CYP20A1: variants seen among roughly 807,000 people sequenced by gnomAD.
CYP20A1 encodes the protein cytochrome P450 family 20 subfamily A member 1.
CYP20A1 carries 61 observed loss-of-function variants against 61.4 expected under a neutral mutation model. The ratio of observed to expected loss-of-function variants is 0.99; its 90% CI spans 0.81 to 1.23. CYP20A1 has a LOEUF of 1.23. Ranked by LOEUF, CYP20A1 falls within the 50% of genes most tolerant of loss-of-function variation. The pLI, the probability that CYP20A1 is intolerant of heterozygous loss-of-function variation, is 0.00. For synonymous variants in CYP20A1, 193 were observed against 188.2 expected (o/e 1.03, Z -0.21); for missense variants, 530 against 542.4 (o/e 0.98, Z 0.23).
chr2:203,262,051 A>G (rs1164135706), intron 4 of CYP20A1, among the ~76,000 whole-genome samples: 1 of 152,158 alleles, frequency 6.6e-6, no homozygotes, highest in Non-Finnish European at 1.5e-5. Context: ...GACACTGGAA[A>G]GCTTCAGACA....
intron 8 of CYP20A1, among the ~76,000 whole-genome samples, chr2:203,282,090 T>C (rs2068066072): frequency 6.8e-6 from 1 of 147,198 alleles, no homozygotes; most frequent in Admixed American, 7.2e-5. Flanking sequence ...CAGGCTGTAG[T>C]GCAATTGCGC....
intron 3 of CYP20A1, among the ~76,000 whole-genome samples, chr2:203,249,196 T>A (rs2105904931): frequency 6.6e-6 from 1 of 152,304 alleles, no homozygotes; most frequent in East Asian, 1.9e-4. Context: ...TCTGTCTACA[T>A]AAAAATGAAA....
At position 203,302,115 on chromosome 2, in the gene CYP20A1, G is replaced by T. The variant is rs1575296792; in HGVS notation, c.*5207G>T. Among the ~76,000 whole-genome samples, 1 of 151,868 alleles carries T rather than the reference G, an allele frequency of 6.6e-6. No individual in the cohort carries two copies. The highest frequency in any genetic ancestry group is 1.5e-5 in the Non-Finnish European group (1 of 67,972). On this transcript the variant is annotated 3_prime_UTR_variant, in exon 13 of 13. Transcript: ENST00000356079. ...TAATTTTTGTGTTTTTAGTACAGATGGGGTTTCACCATGTTGGCCAGGCTG... is the reference window on the plus strand; with the variant it reads ...TAATTTTTGTGTTTTTAGTACAGATTGGGTTTCACCATGTTGGCCAGGCTG...
intron 1 of CYP20A1, among the ~76,000 whole-genome samples, chr2:203,240,129 T>C (rs1215569692): frequency 5.9e-5 from 9 of 152,110 alleles, no homozygotes; most frequent in Admixed American, 5.2e-4. Context: ...AAAACACCTG[T>C]TCTACAAAGC....
At position 203,299,686 on chromosome 2, in the gene CYP20A1, C is replaced by T. The variant is rs2068942215; in HGVS notation, c.*2778C>T. Among the ~76,000 whole-genome samples, 1 of 152,014 alleles carries T rather than the reference C, an allele frequency of 6.6e-6. No homozygotes were observed. Among genetic ancestry groups the T allele is most frequent in the African/African-American group, 2.4e-5 (1 of 41,410 alleles). ...GGTCAGGCGTTCAAGACCAGCCTGA[C>T]CAACATGGAGAAACCCCGTCTCTAC... is the stretch of plus-strand genomic sequence containing the variant. On this transcript the variant is annotated 3_prime_UTR_variant, in exon 13 of 13. Transcript: ENST00000356079.
intron 6 of CYP20A1, among the ~76,000 whole-genome samples, chr2:203,277,970 A>G (rs1303037171): frequency 6.6e-6 from 1 of 152,086 alleles, no homozygotes; most frequent in Non-Finnish European, 1.5e-5. Flanking sequence ...ATGTGTTTGG[A>G]GGCCTCTAAA....
intron 5 of CYP20A1, among the ~76,000 whole-genome samples, chr2:203,271,834 G>C (rs552959429): frequency 2.9e-4 from 44 of 152,166 alleles, no homozygotes; most frequent in African/African-American, 7.2e-4. Context: ...TCAGGAGTTC[G>C]AGACCAGTCT....
chr2:203,242,241 C>T lies in CYP20A1; in HGVS notation c.72+3107C>T, dbSNP rs1297885406. Among the ~76,000 whole-genome samples, 4 of 152,156 alleles carry T rather than the reference C, an allele frequency of 2.6e-5. No individual in the cohort carries two copies. In the South Asian group the frequency reaches 6.2e-4, roughly 24 times the overall value. On this transcript the variant is annotated intron_variant, in intron 1 of 12. Coordinates refer to ENST00000356079, the MANE Select transcript of CYP20A1 (RefSeq NM_177538.3). Reference sequence around the variant, plus strand: ...GCTGAAGTGATCCTCCTGCCTCAGCCTTCCAAAGATCTGGGATTACAGGCA... The same window carrying T: ...GCTGAAGTGATCCTCCTGCCTCAGCTTTCCAAAGATCTGGGATTACAGGCA...
chr2:203,243,484 G>C (rs775265154), intron 1 of CYP20A1, among the ~76,000 whole-genome samples: 1 of 151,504 alleles, frequency 6.6e-6, no homozygotes, highest in Admixed American at 6.6e-5. Flanking sequence ...TCCGCCTCCC[G>C]GGCTCAAATC....
intron 6 of CYP20A1, among the ~76,000 whole-genome samples, chr2:203,278,300 G>A (rs1224749431): frequency 2.0e-5 from 3 of 152,040 alleles, no homozygotes; most frequent in Admixed American, 1.3e-4. Context: ...GTCAAGTGCT[G>A]GCATTGCTCT....
At chr2:203,251,892 G>A (rs2066703743) in intron 3 of CYP20A1, 75 bp from the exon 4 acceptor site, 2 of 1,180,714 alleles carry the variant, frequency 1.7e-6, no homozygotes, top group African/African-American at 1.6e-5. Context: ...TTACCTCCCT[G>A]ATCTCTTGTT....
At chr2:203,247,122 G>A (rs1273017140) in intron 3 of CYP20A1, among the ~76,000 whole-genome samples, 2 of 152,028 alleles carry the variant, frequency 1.3e-5, no homozygotes, top group African/African-American at 4.8e-5. Context: ...CTAGTCGGGT[G>A]TGGTGGCACA....
chr2:203,260,228 A>G (rs2067082845), intron 4 of CYP20A1, among the ~76,000 whole-genome samples: 1 of 133,432 alleles, frequency 7.5e-6, no homozygotes, highest in Non-Finnish European at 1.6e-5. Flanking sequence ...TGCCCAGCCT[A>G]TTTATTTATT....
chr2:203,283,902 G>T (rs2068153588), intron 8 of CYP20A1, among the ~76,000 whole-genome samples: 1 of 152,074 alleles, frequency 6.6e-6, no homozygotes, highest in Non-Finnish European at 1.5e-5. Flanking sequence ...ATTGACCACT[G>T]TGTGCAAATC....
intron 1 of CYP20A1, among the ~76,000 whole-genome samples, chr2:203,242,509 C>A (rs1413562724): frequency 1.3e-5 from 2 of 152,078 alleles, no homozygotes; most frequent in Non-Finnish European, 2.9e-5. Flanking sequence ...AAGCTTATGG[C>A]CAGCACGGTG....
At chr2:203,265,966 A>G (rs1203084150) in intron 4 of CYP20A1, among the ~76,000 whole-genome samples, 1 of 152,170 alleles carries the variant, frequency 6.6e-6, no homozygotes, top group African/African-American at 2.4e-5. Context: ...CTAGGATTAC[A>G]GGTATGAACC....
At chr2:203,296,417 C>A in intron 11 of CYP20A1, 57 bp from the exon 12 acceptor site, 2 of 1,051,904 alleles carry the variant, frequency 1.9e-6, no homozygotes, top group Non-Finnish European at 2.9e-6. Context: ...CTTTTAGTGT[C>A]AACATGTAAG....
chr2:203,292,102 G>C (rs549957792), intron 10 of CYP20A1, among the ~76,000 whole-genome samples, 160 bp from the exon 11 acceptor site: 23 of 152,244 alleles, frequency 1.5e-4, no homozygotes, highest in Middle Eastern at 6.8e-3. Flanking sequence ...CTTCCTCATT[G>C]TAAGATCACC....
chr2:203,253,458 G>A (rs2066774736), intron 4 of CYP20A1, among the ~76,000 whole-genome samples: 1 of 152,160 alleles, frequency 6.6e-6, no homozygotes, highest in African/African-American at 2.4e-5. Flanking sequence ...AATGTTGTGG[G>A]GAACTGAGGA....
Sources: gnomAD v4.1 joint callset for allele counts (sites outside exome capture counted in the v4.1 genomes callset) on GRCh38, gnomAD v4.1.1 for gene constraint, MANE v1.5 for transcripts, NCBI Gene and HGNC (gene_info 2026-07-23, HGNC 2026-07-21) for gene names.